Variants in KCNH1 observed in about 807,000 individuals in gnomAD.
KCNH1 encodes the protein potassium voltage-gated channel subfamily H member 1, also known as voltage-gated delayed rectifier potassium channel KCNH1.
Under a neutral mutation model 69.2 loss-of-function variants are expected in KCNH1, and 27 were observed. That is an observed-to-expected ratio of 0.39 (90% confidence interval 0.29 to 0.54). The LOEUF is 0.54. KCNH1 is among the 20% of genes least tolerant of loss of function. The pLI, the probability that KCNH1 is intolerant of heterozygous loss-of-function variation, is 0.68. For synonymous variants in KCNH1, 456 were observed against 487.7 expected, an observed-to-expected ratio of 0.93 and a Z score of 0.86; for missense variants, 798 against 1,261.6, an observed-to-expected ratio of 0.63 and a Z score of 5.57.
At chr1:210,941,880 C>G (rs935621266) in intron 6 of KCNH1, among the ~76,000 whole-genome samples, 1 of 152,152 alleles carries the variant, frequency 6.6e-6, no homozygotes, top group African/African-American at 2.4e-5. Context: ...ATGGTTTTGA[C>G]TCTGTCCTAT....
At chr1:210,917,384 G>T (rs1162288673) in intron 7 of KCNH1, among the ~76,000 whole-genome samples, 1 of 151,900 alleles carries the variant, frequency 6.6e-6, no homozygotes, top group Non-Finnish European at 1.5e-5. Context: ...ACTCTCAGAA[G>T]GTGGGAAGAG....
intron 5 of KCNH1, chr1:211,063,802 T>C (rs1176117229): frequency 4.0e-5 from 6 of 151,234 alleles, no homozygotes; most frequent in Non-Finnish European, 8.8e-5. Context: ...ATAGGAAGAA[T>C]AGATCCACTA....
chr1:210,797,753 T>C lies in KCNH1; in HGVS notation c.1670A>G (p.Gln557Arg), dbSNP rs140410659. The change falls in exon 9 of 11, where the codon CAG becomes CGG. Residue 557 changes from glutamine to arginine, a missense_variant. By Grantham distance (43) the Gln-to-Arg change is conservative. Coordinates refer to ENST00000271751, the MANE Select transcript of KCNH1 (RefSeq NM_172362.3). ...SRGIDTEKVL[Q>R]ICPKDMRADI... ...GGCTCTCATGTCCTTGGGGCAGATC[T>C]GCAGGACCTAGCCAGGTACAGAAAA... 4.3e-6 allele frequency: 7 copies of C among 1,611,676 alleles called. No homozygotes were observed. Among genetic ancestry groups the C allele is most frequent in the African/African-American group, 2.7e-5 (2 of 74,856 alleles).
intron 6 of KCNH1, among the ~76,000 whole-genome samples, chr1:211,002,257 T>C (rs973082680): frequency 6.1e-5 from 9 of 146,646 alleles, no homozygotes; most frequent in African/African-American, 1.2e-4. Flanking sequence ...CGTATATATA[T>C]ACACACACAC....
chr1:210,726,689 A>G (rs1477518574), intron 10 of KCNH1, among the ~76,000 whole-genome samples: 1 of 152,230 alleles, frequency 6.6e-6, no homozygotes, highest in African/African-American at 2.4e-5. Flanking sequence ...GAGGGATTTA[A>G]TAAAACCTTT....
chr1:210,779,910 C>A (rs995943524), intron 9 of KCNH1, among the ~76,000 whole-genome samples: 3 of 152,166 alleles, frequency 2.0e-5, no homozygotes, highest in Admixed American at 6.5e-5. Flanking sequence ...AGAACATCCA[C>A]AAAACATAGG....
intron 10 of KCNH1, among the ~76,000 whole-genome samples, chr1:210,699,481 G>A (rs994895298): frequency 3.9e-5 from 6 of 152,242 alleles, no homozygotes; most frequent in African/African-American, 1.4e-4. Flanking sequence ...CGTCTTTGGA[G>A]CAGGAGTGGA....
intron 10 of KCNH1, among the ~76,000 whole-genome samples, 190 bp downstream of exon 10, chr1:210,775,158 C>T (rs1683836313): frequency 1.3e-5 from 2 of 152,188 alleles, no homozygotes; most frequent in Admixed American, 1.3e-4. Flanking sequence ...GATCCATCTT[C>T]TAATCTAGCA....
intron 1 of KCNH1, among the ~76,000 whole-genome samples, chr1:211,128,426 A>G (rs2066025): frequency 0.75 from 113,331 of 152,050 alleles, 42,638 homozygotes; most frequent in African/African-American, 0.84. Context: ...AAACAGTAGT[A>G]TTTATTAACT....
chr1:210,891,405 G>A (rs541097445), intron 7 of KCNH1, among the ~76,000 whole-genome samples: 120 of 152,184 alleles, frequency 7.9e-4, no homozygotes, highest in Admixed American at 1.9e-3. Context: ...TGAGGAGAAG[G>A]GGGAGGGATA....
chr1:211,116,574 C>T (rs186183047), intron 1 of KCNH1, among the ~76,000 whole-genome samples: 31 of 152,184 alleles, frequency 2.0e-4, no homozygotes, highest in African/African-American at 6.0e-4. Flanking sequence ...TTTTGTCCCC[C>T]TTTTCATCCC....
chr1:211,128,282 CAAAAA>C (rs374161835), intron 1 of KCNH1, among the ~76,000 whole-genome samples: 1 of 54,854 alleles, frequency 1.8e-5, no homozygotes, highest in Non-Finnish European at 4.0e-5. Flanking sequence ...GATTCTGTCT[CAAAAA>C]AAAAAAAAAA....
intron 7 of KCNH1, among the ~76,000 whole-genome samples, chr1:210,806,855 A>ATG (rs1553346606): frequency 7.9e-6 from 1 of 127,364 alleles, no homozygotes; most frequent in African/African-American, 3.0e-5. Flanking sequence ...ATATATATAT[A>ATG]AATTTGCCGG....
chr1:211,008,950 AG>A (rs1689339881), intron 6 of KCNH1, among the ~76,000 whole-genome samples: 1 of 152,214 alleles, frequency 6.6e-6, no homozygotes, highest in South Asian at 2.1e-4. Context: ...TCTCAGGGAA[AG>A]CCACTCTAAT....
Position 211,107,807 on chromosome 1 carries a change from A to C in KCNH1, c.80-430T>G, listed in dbSNP as rs77912941. 1.3e-3 allele frequency among the ~76,000 whole-genome samples: 201 copies of C among 152,304 alleles called. 1 individual carries two copies. The highest frequency in any genetic ancestry group is 4.7e-3 in the African/African-American group (195 of 41,570). On this transcript the variant is annotated intron_variant, in intron 1 of 10. Transcript: ENST00000271751. ...TCAGTCTTTTGGCCAGAAGCTAAAA[A>C]TTTGCCTTCTTGACCCTAACTAGGA...
At chr1:211,096,996 G>T (rs1419274624) in intron 3 of KCNH1, among the ~76,000 whole-genome samples, 2 of 152,196 alleles carry the variant, frequency 1.3e-5, no homozygotes, top group African/African-American at 4.8e-5. Context: ...ATGTAGAATA[G>T]CTACTATTAT....
At chr1:210,987,229 C>T (rs898990042) in intron 6 of KCNH1, among the ~76,000 whole-genome samples, 5 of 152,264 alleles carry the variant, frequency 3.3e-5, no homozygotes, top group Admixed American at 6.5e-5. Flanking sequence ...TGGGTTTGAA[C>T]TTCCTCCTTT....
At chr1:211,057,371 C>G (rs924446003) in intron 5 of KCNH1, among the ~76,000 whole-genome samples, 3 of 152,168 alleles carry the variant, frequency 2.0e-5, no homozygotes, top group Non-Finnish European at 4.4e-5. Flanking sequence ...CACAGTGGCT[C>G]ATGCCTGTGG....
At chr1:210,820,048 T>A (rs1684898109) in intron 7 of KCNH1, among the ~76,000 whole-genome samples, 1 of 152,214 alleles carries the variant, frequency 6.6e-6, no homozygotes, top group African/African-American at 2.4e-5. Context: ...GCAACCGGGC[T>A]GCTCCCAAAT....
Sources: gnomAD v4.1 joint callset for allele counts (sites outside exome capture counted in the v4.1 genomes callset) on GRCh38, gnomAD v4.1.1 for gene constraint, MANE v1.5 for transcripts, NCBI Gene and HGNC (gene_info 2026-07-23, HGNC 2026-07-21) for gene names.